The following D2HGDH variants were observed in gnomAD, a reference collection of about 807,000 sequenced individuals.
D2HGDH encodes the protein D-2-hydroxyglutarate dehydrogenase, mitochondrial.
D2HGDH carries 31 observed loss-of-function variants against 46.9 expected under a neutral mutation model. That is an observed-to-expected ratio of 0.66 (90% CI 0.50 to 0.89). The LOEUF is 0.89. Among genes scored for constraint, D2HGDH ranks in the 40% least tolerant of loss-of-function variants. The probability of loss-of-function intolerance (pLI) is 0.00; values close to 1 mark genes in which losing one functional copy is unlikely to be tolerated. For synonymous variants in D2HGDH, 364 were observed against 332.6 expected (o/e 1.09, Z -1.03); for missense variants, 698 against 720.8 (o/e 0.97, Z 0.36).
chr2:241,743,582 T>A lies in D2HGDH; in HGVS notation c.491-40T>A, dbSNP rs1368571767. On this transcript the variant is annotated intron_variant, in intron 4 of 9. Transcript: ENST00000321264. The surrounding 1 kb of genome is among the most constrained non-coding windows in gnomAD (Gnocchi z 4.8). Reference sequence around the variant, plus strand: ...GGGACTCACCAGCCCGGGGGCCCACTGGAAGCCAAGTGCTGCGGCAGCCTG... The same window carrying A: ...GGGACTCACCAGCCCGGGGGCCCACAGGAAGCCAAGTGCTGCGGCAGCCTG... 1 of 1,599,716 alleles carries A rather than the reference T, an allele frequency of 6.3e-7. No homozygotes were observed. Among genetic ancestry groups the A allele is most frequent in the Non-Finnish European group, 8.5e-7 (1 of 1,174,034 alleles).
intron 6 of D2HGDH, chr2:241,749,179 G>C: frequency 1.2e-6 from 1 of 848,032 alleles, no homozygotes; most frequent in African/African-American, 1.8e-5. Context: ...AGTCCCCACC[G>C]CCAGACCCTC....
Position 241,740,940 on chromosome 2 carries a change from CA to C in D2HGDH, c.293-82del, listed in dbSNP as rs928437271. Reference sequence around the variant, plus strand: ...GGGCAACAGAGTGAGAGTCCGTCTCCAAAAAAAAAAACTCGCTCTCTGGGGC... The same window carrying C: ...GGGCAACAGAGTGAGAGTCCGTCTCCAAAAAAAAAACTCGCTCTCTGGGGC... On this transcript the variant is annotated intron_variant, in intron 2 of 9. Transcript: ENST00000321264. 5,481 of 837,932 alleles carry C rather than the reference CA, an allele frequency of 6.5e-3. 1 individual carries two copies. Among genetic ancestry groups the C allele is most frequent in the Non-Finnish European group, 7.3e-3 (4,013 of 548,078 alleles). The allele number at this position is 837,932 out of a possible 1,614,324, so 51.9% of individuals were successfully genotyped here. A position where few individuals can be genotyped will look rare whatever the true frequency, so the allele number is the denominator to read the frequency against.
intron 2 of D2HGDH, among the ~76,000 whole-genome samples, chr2:241,740,604 T>C (rs60611916): frequency 0.57 from 86,294 of 152,086 alleles, 26,811 homozygotes; most frequent in African/African-American, 0.84. Context: ...ACTGCAGCCT[T>C]GACCTCCTGG....
At position 241,750,281 on chromosome 2, in the gene D2HGDH, C is replaced by T; in HGVS notation, c.984C>T (p.Ala328=). Residue 328 remains alanine, a synonymous_variant, in exon 7 of 10, where the codon GCC becomes GCT. Coordinates refer to ENST00000321264, the MANE Select transcript of D2HGDH (RefSeq NM_152783.5). The part of the protein sequence containing the change: ...MQLVGRHLHL[A]SPVQESPFYV... Reference sequence around the variant, plus strand: ...TGGTCGGGCGCCATCTCCACCTGGCCAGCCCGGTGCAAGGTACTGACCCCC... The same window carrying T: ...TGGTCGGGCGCCATCTCCACCTGGCTAGCCCGGTGCAAGGTACTGACCCCC... 6.2e-7 allele frequency: 1 copy of T among 1,613,256 alleles called. No individual in the cohort carries two copies. The highest frequency in any genetic ancestry group is 8.5e-7 in the Non-Finnish European group (1 of 1,180,024).
At chr2:241,761,843 T>C (rs746267228) in intron 9 of D2HGDH, among the ~76,000 whole-genome samples, 4 of 152,036 alleles carry the variant, frequency 2.6e-5, no homozygotes, top group Non-Finnish European at 4.4e-5. Context: ...ACGGAACAGC[T>C]CAGATTTTCT....
rs756712425 is a variant in D2HGDH, at chr2:241,768,003, G to C, written c.*34G>C. On this transcript the variant is annotated 3_prime_UTR_variant, in exon 10 of 10. Transcript: ENST00000321264. ...CCTGCTGCTGCCAAGGCCCACTGGG[G>C]GTCGGCGGGTGGCTCTCGGGCGGGG... 20 of 1,555,518 alleles carry C rather than the reference G, an allele frequency of 1.3e-5. No homozygotes were observed. Among genetic ancestry groups the C allele is most frequent in the African/African-American group, 4.1e-5 (3 of 73,806 alleles).
intron 8 of D2HGDH, among the ~76,000 whole-genome samples, chr2:241,752,454 G>T (rs531809167): frequency 6.6e-6 from 1 of 152,048 alleles, no homozygotes; most frequent in Non-Finnish European, 1.5e-5. Context: ...ACATTCTGCC[G>T]CAGTAACAAG....
intron 8 of D2HGDH, 102 bp downstream of exon 8, chr2:241,751,490 G>A: frequency 6.5e-7 from 1 of 1,529,856 alleles, no homozygotes; most frequent in Non-Finnish European, 8.8e-7. Context: ...GACAGTGTGG[G>A]ATGTGGCTGA....
chr2:241,748,246 A>T (rs536789247), intron 6 of D2HGDH, among the ~76,000 whole-genome samples: 1 of 152,064 alleles, frequency 6.6e-6, no homozygotes, highest in East Asian at 1.9e-4. Context: ...TCAGCCTCCC[A>T]AGTAGCTGGG....
intron 2 of D2HGDH, among the ~76,000 whole-genome samples, chr2:241,738,500 G>C (rs1330417666): frequency 1.3e-5 from 2 of 152,250 alleles, no homozygotes; most frequent in East Asian, 3.8e-4. Context: ...CCAGCACCCT[G>C]GGCTATGCCG....
intron 6 of D2HGDH, chr2:241,748,854 T>TC: frequency 7.8e-7 from 1 of 1,277,764 alleles, no homozygotes. Context: ...CTGATCCCAC[T>TC]CCAACTGCAG....
rs766274877 is a variant in D2HGDH, at chr2:241,744,784, C to T, written c.760C>T (p.Leu254=). 3.7e-6 allele frequency: 6 copies of T among 1,614,250 alleles called. No individual in the cohort carries two copies. The highest frequency in any genetic ancestry group is 3.3e-5 in the Admixed American group (2 of 60,034). ...KDNTGYDLKQ[L]FIGSEGTLGI... Reference sequence around the variant, plus strand: ...CAACACGGGCTATGACCTGAAGCAGCTGTTCATCGGGTCGGAGGGCACTTT... The same window carrying T: ...CAACACGGGCTATGACCTGAAGCAGTTGTTCATCGGGTCGGAGGGCACTTT... Residue 254 remains leucine (L), a synonymous_variant, in exon 6 of 10, where the codon CTG becomes TTG. Coordinates refer to ENST00000321264, the MANE Select transcript of D2HGDH (RefSeq NM_152783.5).
chr2:241,758,795 G>GTA (rs1401950026), intron 9 of D2HGDH, among the ~76,000 whole-genome samples: 1 of 151,346 alleles, frequency 6.6e-6, no homozygotes, highest in East Asian at 1.9e-4. Context: ...GTGTGTGTGT[G>GTA]TGTGTGTGTG....
At chr2:241,755,619 A>T (rs905529991) in intron 8 of D2HGDH, 1 of 1,522,142 alleles carries the variant, frequency 6.6e-7, no homozygotes, top group Admixed American at 2.0e-5. Flanking sequence ...GGTTGGAGCC[A>T]CACCTGGTCT....
chr2:241,749,004 G>A, intron 6 of D2HGDH: 2 of 1,165,494 alleles, frequency 1.7e-6, no homozygotes, highest in Non-Finnish European at 2.2e-6. Context: ...GGTGGAACAG[G>A]CCCTGTGAGG....
At chr2:241,754,123 G>A (rs1697773029) in intron 8 of D2HGDH, among the ~76,000 whole-genome samples, 1 of 152,246 alleles carries the variant, frequency 6.6e-6, no homozygotes. Context: ...ACTGAGGCGT[G>A]AGCAGACAAG....
intron 1 of D2HGDH, 46 bp downstream of exon 1, chr2:241,734,741 C>T (rs1692230454): frequency 6.5e-6 from 1 of 153,558 alleles, no homozygotes; most frequent in South Asian, 2.0e-4. Flanking sequence ...GGGTCCCGGT[C>T]TGCGGTTCAG....
At chr2:241,756,083 G>A (rs1048470616) in intron 9 of D2HGDH, 69 bp downstream of exon 9, 13 of 1,514,154 alleles carry the variant, frequency 8.6e-6, no homozygotes, top group African/African-American at 6.9e-5. Flanking sequence ...CCGTCACCCT[G>A]CCAGGCTTCG....
At chr2:241,737,078 C>T (rs1413023775) in intron 2 of D2HGDH, among the ~76,000 whole-genome samples, 1 of 150,868 alleles carries the variant, frequency 6.6e-6, no homozygotes, top group Non-Finnish European at 1.5e-5. Flanking sequence ...ACGCCATTCT[C>T]CTGCCTCCGC....
Sources: gnomAD v4.1 joint callset for allele counts (sites outside exome capture counted in the v4.1 genomes callset) on GRCh38, gnomAD v4.1.1 for gene constraint, Gnocchi (gnomAD v3.1) non-coding constraint, MANE v1.5 for transcripts, NCBI Gene and HGNC (gene_info 2026-07-23, HGNC 2026-07-21) for gene names.